TENM3: variants seen among roughly 807,000 people sequenced by gnomAD.
TENM3 encodes the protein teneurin transmembrane protein 3, also known as teneurin-3.
Under a neutral mutation model 255.1 loss-of-function variants are expected in TENM3, and 63 were observed. The observed-to-expected ratio is 0.25, with a 90% CI of 0.20 to 0.30. The LOEUF (loss-of-function observed/expected upper bound fraction) is 0.30. TENM3 is among the 10% of genes least tolerant of loss of function. The pLI is 1.00. For missense variants in TENM3, 2,929 were observed against 3,461.1 expected, an observed-to-expected ratio of 0.85 and a Z score of 3.86; for synonymous variants, 1,306 against 1,322.3, an observed-to-expected ratio of 0.99 and a Z score of 0.27.
chr4:181,928,940 G>A, the TENM3 span, among the ~76,000 whole-genome samples: 300 of 152,232 alleles, frequency 2.0e-3, 2 homozygotes, highest in East Asian at 0.014. Context: ...AACTTCATAA[G>A]CGAAGAAGAA....
chr4:182,406,685 T>C (rs1769605665), intron 3 of TENM3, among the ~76,000 whole-genome samples: 2 of 152,226 alleles, frequency 1.3e-5, no homozygotes, highest in Admixed American at 1.3e-4. Context: ...TAACTTTCAG[T>C]TAACTAATTA....
chr4:182,431,219 G>A (rs935839551), intron 3 of TENM3, among the ~76,000 whole-genome samples: 7 of 151,924 alleles, frequency 4.6e-5, no homozygotes, highest in East Asian at 1.9e-4. Context: ...GGATGAGGCC[G>A]GGCGTGGGGG....
chr4:182,402,665 AG>A (rs1218300349), intron 3 of TENM3, among the ~76,000 whole-genome samples: 6 of 152,144 alleles, frequency 3.9e-5, no homozygotes, highest in African/African-American at 1.4e-4. Context: ...ATGTGGGTAA[AG>A]CTTCCTGTTT....
the TENM3 span, among the ~76,000 whole-genome samples, chr4:181,549,225 A>G: frequency 6.6e-6 from 1 of 152,176 alleles, no homozygotes; most frequent in Non-Finnish European, 1.5e-5. Context: ...GCCAATGGTA[A>G]GTCACCTGGA....
chr4:181,526,982 G>C, the TENM3 span, among the ~76,000 whole-genome samples: 1 of 152,034 alleles, frequency 6.6e-6, no homozygotes, highest in African/African-American at 2.4e-5. Context: ...TTGATCCTAC[G>C]GCCCTTCCCA....
chr4:181,731,600 G>C, the TENM3 span, among the ~76,000 whole-genome samples: 1 of 152,040 alleles, frequency 6.6e-6, no homozygotes, highest in African/African-American at 2.4e-5. Flanking sequence ...CGATCCACCT[G>C]CCTCAGCCTC....
chr4:182,027,606 G>A, the TENM3 span, among the ~76,000 whole-genome samples: 1 of 151,562 alleles, frequency 6.6e-6, no homozygotes, highest in Admixed American at 6.6e-5. Context: ...ACTCGCTGTG[G>A]GTGTGTCATA....
chr4:181,663,217 G>C, the TENM3 span, among the ~76,000 whole-genome samples: 1 of 152,132 alleles, frequency 6.6e-6, no homozygotes, highest in East Asian at 1.9e-4. Flanking sequence ...ATTCCATGTG[G>C]AACTCTTCCT....
At chr4:182,220,376 C>T (rs1298185627) in intron 1 of TENM3, among the ~76,000 whole-genome samples, 2 of 11,206 alleles carry the variant, frequency 1.8e-4, no homozygotes, top group Non-Finnish European at 4.9e-4. Flanking sequence ...GACTCTGTCT[C>T]ACAAAAAAAA....
At chr4:182,280,846 G>A (rs191312150) in intron 1 of TENM3, among the ~76,000 whole-genome samples, 141 of 152,338 alleles carry the variant, frequency 9.3e-4, no homozygotes, top group Non-Finnish European at 1.6e-3. Context: ...TCTTGAATGA[G>A]AGTGAAGGTT....
chr4:181,616,426 A>G, the TENM3 span, among the ~76,000 whole-genome samples: 1 of 148,422 alleles, frequency 6.7e-6, no homozygotes, highest in African/African-American at 2.5e-5. Context: ...AGTAGGGTAT[A>G]CTCATATATA....
intron 1 of TENM3, among the ~76,000 whole-genome samples, chr4:182,310,961 T>C (rs1156410996): frequency 6.6e-6 from 1 of 152,140 alleles, no homozygotes; most frequent in Non-Finnish European, 1.5e-5. Flanking sequence ...CCACCCGCCT[T>C]GGCCTCCCAA....
rs1157448732 is a variant in TENM3 at position 182,777,547 on chromosome 4, C to CTTTT, written c.5304+2419_5304+2422dup. The stretch of plus-strand genomic sequence containing the variant: ...TGTGTGTGTGTGTGTGTGTGTATTT[C>CTTTT]TTTTTTTTTTTTTTTTTTTTTTTTT... On this transcript the variant is annotated intron_variant, in intron 24 of 27. Transcript: ENST00000511685. Among the ~76,000 whole-genome samples, 390 of 45,464 alleles carry CTTTT rather than the reference C, an allele frequency of 8.6e-3. 111 individuals are homozygous for CTTTT. The highest frequency in any genetic ancestry group is 0.031 in the African/African-American group (359 of 11,570). 29.8% of individuals were successfully genotyped at this position (45,464 alleles called of 152,430 possible). A position where few individuals can be genotyped will look rare whatever the true frequency, so the allele number is the denominator to read the frequency against.
chr4:182,781,762 T>C (rs1406347600), intron 24 of TENM3, among the ~76,000 whole-genome samples: 1 of 148,754 alleles, frequency 6.7e-6, no homozygotes, highest in Non-Finnish European at 1.5e-5. Context: ...GAGATTCAAC[T>C]TCTTCCTGGT....
chr4:181,477,343 T>C, the TENM3 span, among the ~76,000 whole-genome samples: 3 of 152,330 alleles, frequency 2.0e-5, no homozygotes, highest in Non-Finnish European at 4.4e-5. Context: ...TTAAAATTGT[T>C]GACAGTTCCC....
the TENM3 span, among the ~76,000 whole-genome samples, chr4:181,728,830 G>C: frequency 6.6e-6 from 1 of 152,116 alleles, no homozygotes; most frequent in Non-Finnish European, 1.5e-5. Flanking sequence ...TCAAGATGGA[G>C]TCGCTCTGGT....
chr4:182,368,322 C>T (rs1766567573), intron 3 of TENM3, among the ~76,000 whole-genome samples: 1 of 152,134 alleles, frequency 6.6e-6, no homozygotes, highest in Non-Finnish European at 1.5e-5. Context: ...GAGTCTCAAT[C>T]CTGAGTAAGA....
chr4:182,646,703 C>G (rs945388598), intron 5 of TENM3, among the ~76,000 whole-genome samples: 2 of 152,172 alleles, frequency 1.3e-5, no homozygotes, highest in African/African-American at 4.8e-5. Flanking sequence ...GATTGCGCCA[C>G]TGCATTCCAG....
chr4:182,015,794 C>T, the TENM3 span, among the ~76,000 whole-genome samples: 2 of 151,994 alleles, frequency 1.3e-5, no homozygotes, highest in African/African-American at 4.8e-5. Context: ...CTCCTGACCT[C>T]GTGATCCACC....
Sources: allele counts gnomAD v4.1 joint callset (sites outside exome capture counted in the v4.1 genomes callset), GRCh38; gene constraint gnomAD v4.1.1; transcripts MANE v1.5; gene names NCBI Gene and HGNC (gene_info 2026-07-23, HGNC 2026-07-21).